The following CCDC38 variants were observed in gnomAD, a reference collection of about 807,000 sequenced individuals.
The protein encoded by CCDC38 is coiled-coil domain-containing protein 38.
In CCDC38, 69 loss-of-function variants were observed where a neutral mutation model predicts 72.8. That is an observed-to-expected ratio of 0.95 (90% CI 0.78 to 1.16). The LOEUF (loss-of-function observed/expected upper bound fraction) is 1.16, where lower values mean the gene tolerates loss of function less well. CCDC38 is among the 50% of genes most tolerant of loss of function. The probability of loss-of-function intolerance (pLI) is 0.00; values close to 1 mark genes in which losing one functional copy is unlikely to be tolerated. For synonymous variants in CCDC38, 201 were observed against 213.2 expected (o/e 0.94, Z 0.50); for missense variants, 626 against 638.9 (o/e 0.98, Z 0.22).
chr12:95,918,074 A>G (rs964260169), intron 3 of CCDC38, among the ~76,000 whole-genome samples: 4 of 152,196 alleles, frequency 2.6e-5, no homozygotes, highest in African/African-American at 9.6e-5. Flanking sequence ...GAGCATTTCT[A>G]GATAATTTCC....
At chr12:95,936,142 A>G (rs1432830388) in intron 2 of CCDC38, among the ~76,000 whole-genome samples, 1 of 152,112 alleles carries the variant, frequency 6.6e-6, no homozygotes, top group Non-Finnish European at 1.5e-5. Flanking sequence ...GAAGGATAAG[A>G]TGAGAAAGGG....
At chr12:95,873,108 G>T (rs1425600024) in intron 13 of CCDC38, among the ~76,000 whole-genome samples, 13 of 151,902 alleles carry the variant, frequency 8.6e-5, no homozygotes, top group Admixed American at 8.5e-4. Flanking sequence ...TCGTTTTTTT[G>T]CCACTCGGAT....
chr12:95,892,760 G>A (rs899994421), intron 8 of CCDC38, among the ~76,000 whole-genome samples: 6 of 151,658 alleles, frequency 4.0e-5, no homozygotes, highest in Admixed American at 6.6e-5. Context: ...TAGTAGAGAC[G>A]GGGTTTCACC....
chr12:95,909,892 G>C (rs765804280), intron 4 of CCDC38, among the ~76,000 whole-genome samples: 32 of 152,064 alleles, frequency 2.1e-4, no homozygotes, highest in Non-Finnish European at 4.3e-4. Context: ...GGCATCGAAG[G>C]AACATACCTC....
At chr12:95,941,676 T>C (rs943387725) in intron 1 of CCDC38, among the ~76,000 whole-genome samples, 12 of 152,160 alleles carry the variant, frequency 7.9e-5, no homozygotes, top group Non-Finnish European at 1.5e-4. Flanking sequence ...TAATAGAAAA[T>C]TTTAATATTT....
chr12:95,926,997 A>G (rs1033033256), intron 2 of CCDC38, among the ~76,000 whole-genome samples: 12 of 152,216 alleles, frequency 7.9e-5, no homozygotes, highest in African/African-American at 2.7e-4. Flanking sequence ...ATGGTGTGGT[A>G]CTGAAAAAAA....
intron 13 of CCDC38, among the ~76,000 whole-genome samples, chr12:95,874,175 T>C (rs993111974): frequency 3.3e-5 from 5 of 152,118 alleles, no homozygotes; most frequent in Non-Finnish European, 7.4e-5. Flanking sequence ...ATATTGTAAA[T>C]TGCATATGAA....
intron 13 of CCDC38, among the ~76,000 whole-genome samples, chr12:95,877,670 C>T (rs950846691): frequency 1.3e-5 from 2 of 152,136 alleles, no homozygotes; most frequent in African/African-American, 4.8e-5. Flanking sequence ...TAAGTCAATC[C>T]CTGCACTCAA....
intron 3 of CCDC38, among the ~76,000 whole-genome samples, chr12:95,917,760 T>C (rs1042864837): frequency 1.3e-5 from 2 of 151,206 alleles, no homozygotes; most frequent in Non-Finnish European, 2.9e-5. Flanking sequence ...TAGTCACAGC[T>C]ACTCAGGAGG....
intron 14 of CCDC38, among the ~76,000 whole-genome samples, chr12:95,871,841 A>T (rs990994466): frequency 6.6e-6 from 1 of 152,144 alleles, no homozygotes; most frequent in African/African-American, 2.4e-5. Flanking sequence ...CAGGCTCCTA[A>T]TTCTATATCT....
Position 95,879,762 on chromosome 12 carries a change from A to G in CCDC38, c.1024T>C (p.Leu342=). The G allele has an allele frequency of 6.2e-7, 1 of 1,611,812 alleles. No individual in the cohort carries two copies. ...PALYFKEPEE[L]LQVLRELEEQ... ...TCCAGCTCTCTGAGGACTTGAAGTA[A>G]CTCCTCTGGTTCCTTGAAATAAAGT... The change falls in exon 12 of 16, where the codon TTA becomes CTA. Residue 342 remains leucine (L), a synonymous_variant. Transcript: ENST00000344280. The surrounding 1 kb of genome is among the most constrained non-coding windows in gnomAD (Gnocchi z 5.5).
At position 95,895,754 on chromosome 12, in the gene CCDC38, G is replaced by GAAAAAA. The variant is rs1206572260; in HGVS notation, c.615-614_615-609dup. Among the ~76,000 whole-genome samples, 3 of 37,260 alleles carry GAAAAAA rather than the reference G, an allele frequency of 8.1e-5. 1 individual carries two copies. Among genetic ancestry groups the GAAAAAA allele is most frequent in the African/African-American group, 2.2e-4 (2 of 9,030 alleles). 24.4% of individuals were successfully genotyped at this position (37,260 alleles called of 152,430 possible). A position where few individuals can be genotyped will look rare whatever the true frequency, so the allele number is the denominator to read the frequency against. On this transcript the variant is annotated intron_variant, in intron 7 of 15. Coordinates refer to ENST00000344280, the MANE Select transcript of CCDC38 (RefSeq NM_182496.3). ...GGCAACAAGAGCAAAACTCTGTCTC[G>GAAAAAA]AAAAAAAAAAAAAAAAAAAAAAGCC...
intron 8 of CCDC38, among the ~76,000 whole-genome samples, chr12:95,894,398 T>C (rs1468009614): frequency 6.6e-6 from 1 of 152,222 alleles, no homozygotes; most frequent in African/African-American, 2.4e-5. Flanking sequence ...ATGCATATAT[T>C]TTTATTGCTT....
chr12:95,874,345 G>A (rs1352450371), intron 13 of CCDC38, among the ~76,000 whole-genome samples: 1 of 152,202 alleles, frequency 6.6e-6, no homozygotes, highest in African/African-American at 2.4e-5. Context: ...GATGGCTTTA[G>A]AGATGGATGA....
At chr12:95,880,212 A>G (rs1480148052) in intron 11 of CCDC38, among the ~76,000 whole-genome samples, 1 of 152,176 alleles carries the variant, frequency 6.6e-6, no homozygotes, top group Non-Finnish European at 1.5e-5. Context: ...TACCTTAAAC[A>G]TTTTTTTAAA....
At chr12:95,891,930 T>A (rs2079831445) in intron 8 of CCDC38, among the ~76,000 whole-genome samples, 1 of 152,122 alleles carries the variant, frequency 6.6e-6, no homozygotes, top group African/African-American at 2.4e-5. Context: ...TTGTAAATGC[T>A]CCTATCCTGG....
At chr12:95,918,721 G>A (rs1452572982) in intron 3 of CCDC38, among the ~76,000 whole-genome samples, 155 bp downstream of exon 3, 4 of 152,122 alleles carry the variant, frequency 2.6e-5, no homozygotes, top group South Asian at 2.1e-4. Context: ...TTTTTCTGTC[G>A]TTTGTGTTCA....
chr12:95,917,063 G>A, intron 4 of CCDC38, 66 bp downstream of exon 4: 2 of 1,340,578 alleles, frequency 1.5e-6, no homozygotes, highest in Non-Finnish European at 1.0e-6. Flanking sequence ...CTCCAACAAA[G>A]CTCCCAAACC....
chr12:95,938,002 C>T (rs1279977314), intron 1 of CCDC38, among the ~76,000 whole-genome samples: 1 of 152,064 alleles, frequency 6.6e-6, no homozygotes, highest in Non-Finnish European at 1.5e-5. Flanking sequence ...TGGATTTAAC[C>T]AAGTGGGGTG....
Sources: gnomAD v4.1 joint callset for allele counts (sites outside exome capture counted in the v4.1 genomes callset) on GRCh38, gnomAD v4.1.1 for gene constraint, Gnocchi (gnomAD v3.1) non-coding constraint, MANE v1.5 for transcripts, NCBI Gene and HGNC (gene_info 2026-07-23, HGNC 2026-07-21) for gene names.